DNAH5: variants seen among roughly 807,000 people sequenced by gnomAD.
DNAH5 encodes dynein axonemal heavy chain 5.
In DNAH5, 372 loss-of-function variants were observed where a neutral mutation model predicts 518.2. That is an observed-to-expected ratio of 0.72 (90% CI 0.66 to 0.78). DNAH5 has a LOEUF of 0.78. Ranked by LOEUF, DNAH5 falls within the 30% of genes least tolerant of loss-of-function variation. The probability of loss-of-function intolerance (pLI) is 0.00; values close to 1 mark genes in which losing one functional copy is unlikely to be tolerated. For synonymous variants in DNAH5, 2,039 were observed against 2,025.9 expected (o/e 1.01, Z -0.17); for missense variants, 5,523 against 5,687.0 (o/e 0.97, Z 0.93).
chr5:13,770,549 A>T (rs1446670005), intron 56 of DNAH5, among the ~76,000 whole-genome samples, 200 bp downstream of exon 56: 1 of 152,094 alleles, frequency 6.6e-6, no homozygotes, highest in African/African-American at 2.4e-5. Flanking sequence ...TTTGTTGTGG[A>T]GGAAAAGAAC....
At chr5:13,755,767 A>AG (rs1750913087) in intron 61 of DNAH5, among the ~76,000 whole-genome samples, 1 of 152,112 alleles carries the variant, frequency 6.6e-6, no homozygotes, top group Non-Finnish European at 1.5e-5. Context: ...ATTGTTTATT[A>AG]GAAAAAAAAA....
Position 13,811,693 on chromosome 5 carries a change from A to G in DNAH5, c.7361T>C (p.Val2454Ala), listed in dbSNP as rs1487855713. 9.3e-6 allele frequency: 15 copies of G among 1,614,086 alleles called. No individual in the cohort carries two copies. The highest frequency in any genetic ancestry group is 1.3e-5 in the Non-Finnish European group (15 of 1,180,038). ...AAGCATGTTAATGCTCTGTGTGATGACAAAGGCCTCCAGCACCTCCATCTT... is the reference window on the plus strand; with the variant it reads ...AAGCATGTTAATGCTCTGTGTGATGGCAAAGGCCTCCAGCACCTCCATCTT... ...EYKMEVLEAF[V>A]ITQSINMLQG... The change falls in exon 44 of 79, where the codon GTC (valine) becomes GCC (alanine). Residue 2454 changes from valine to alanine, a missense_variant. Physicochemically the swap from Val to Ala is moderately conservative, Grantham distance 64. Around this residue, in one of 3 missense-constraint regions of DNAH5, gnomAD observed 5,121 missense variants for 5,223.3 expected, o/e 0.98. Transcript: ENST00000265104.
At chr5:13,809,988 T>C (rs759530949) in intron 45 of DNAH5, 71 bp downstream of exon 45, 216 of 1,351,044 alleles carry the variant, frequency 1.6e-4, no homozygotes, top group Middle Eastern at 2.5e-4. Context: ...AAAATATATA[T>C]GGTGTAAATA....
chr5:13,956,733 T>C (rs903423129), intron 1 of DNAH5, among the ~76,000 whole-genome samples: 2 of 152,234 alleles, frequency 1.3e-5, no homozygotes, highest in South Asian at 4.1e-4. Flanking sequence ...TGCCACATTT[T>C]TTCCTGCATA....
In DNAH5 at chr5:13,727,554, G is replaced by A. The variant is rs886059970; in HGVS notation, c.11986C>T (p.Arg3996Cys). 19 of 1,613,714 alleles carry A rather than the reference G, an allele frequency of 1.2e-5. No homozygotes were observed. The highest frequency in any genetic ancestry group is 3.3e-5 in the Admixed American group (2 of 60,000). The change falls in exon 70 of 79, where the codon CGT becomes TGT. Residue 3996 changes from arginine to cysteine, a missense_variant. Physicochemically the swap from Arg to Cys is radical, Grantham distance 180 (BLOSUM62 -3). Around this residue, in one of 3 missense-constraint regions of DNAH5, gnomAD observed 5,121 missense variants for 5,223.3 expected, o/e 0.98. Coordinates refer to ENST00000265104, the MANE Select transcript of DNAH5 (RefSeq NM_001369.3). ...CACCAGGATCTAATAAGGAGAAGACGTCTGAAGCAGTCAAGAGATTTATCA... is the reference window on the plus strand; with the variant it reads ...CACCAGGATCTAATAAGGAGAAGACATCTGAAGCAGTCAAGAGATTTATCA... Reference protein sequence around the residue: ...AYDKSLDCFRRLLLIRSWCPD... With the variant: ...AYDKSLDCFRCLLLIRSWCPD...
chr5:14,008,291 T>TGAGGGAGGGAGGGAAGAAGGAGGGGATG (rs146724289), intron 1 of DNAH5, among the ~76,000 whole-genome samples: 1 of 146,106 alleles, frequency 6.8e-6, no homozygotes, highest in African/African-American at 2.5e-5. Context: ...GAGGAAGAAA[T>TGAGGGAGGGAGGGAAGAAGGAGGGGATG]GAGGGAGAGA....
intron 23 of DNAH5, 51 bp downstream of exon 23, chr5:13,871,513 C>T: frequency 6.8e-7 from 1 of 1,461,310 alleles, no homozygotes; most frequent in Non-Finnish European, 9.6e-7. Context: ...GGTAAAGAGG[C>T]AGAACAATAA....
At chr5:13,955,553 G>T (rs1323609335) in intron 1 of DNAH5, among the ~76,000 whole-genome samples, 2 of 152,160 alleles carry the variant, frequency 1.3e-5, no homozygotes, top group African/African-American at 4.8e-5. Flanking sequence ...ATGTAGAGCA[G>T]TAAGAGAAAA....
chr5:13,946,769 G>A (rs1038757347), upstream of DNAH5, among the ~76,000 whole-genome samples: 1 of 152,200 alleles, frequency 6.6e-6, no homozygotes, highest in Non-Finnish European at 1.5e-5. Context: ...CCTCATGTGG[G>A]CGGAAGGCTT....
At chr5:13,969,281 T>C (rs189127427) in intron 1 of DNAH5, among the ~76,000 whole-genome samples, 2 of 152,300 alleles carry the variant, frequency 1.3e-5, no homozygotes, top group Admixed American at 6.5e-5. Context: ...TTTTGTTTCA[T>C]TTATCTTCTG....
intron 1 of DNAH5, among the ~76,000 whole-genome samples, chr5:13,991,576 AAG>A (rs1267336705): frequency 4.2e-5 from 6 of 141,320 alleles, no homozygotes; most frequent in Non-Finnish European, 6.1e-5. Context: ...GAAGAGGAGA[AAG>A]AGGAGGAGGA....
intron 44 of DNAH5, among the ~76,000 whole-genome samples, chr5:13,810,683 G>A (rs1254457856): frequency 6.6e-6 from 1 of 151,944 alleles, no homozygotes; most frequent in Non-Finnish European, 1.5e-5. Context: ...GAACTTGGGA[G>A]GCGGAGCTTG....
intron 60 of DNAH5, among the ~76,000 whole-genome samples, chr5:13,761,412 T>C (rs2126738878): frequency 6.6e-6 from 1 of 151,984 alleles, no homozygotes; most frequent in East Asian, 1.9e-4. Flanking sequence ...GCTAACATGG[T>C]GAAACCCCAT....
chr5:13,928,262 G>C, intron 2 of DNAH5, 84 bp from the exon 3 acceptor site: 1 of 981,276 alleles, frequency 1.0e-6, no homozygotes, highest in East Asian at 2.5e-5. Context: ...TATAAAAAAG[G>C]AAAATTTACT....
Position 13,865,006 on chromosome 5 carries a change from CTT to C in DNAH5, c.4356-371_4356-370del, listed in dbSNP as rs70964512. Among the ~76,000 whole-genome samples the C allele has an allele frequency of 4.0e-3, 502 of 124,940 alleles. 3 individuals are homozygous for C. Among genetic ancestry groups the C allele is most frequent in the African/African-American group, 0.013 (419 of 32,350 alleles). The allele number at this position is 124,940 out of a possible 152,430, so 82.0% of individuals were successfully genotyped here. A position where few individuals can be genotyped will look rare whatever the true frequency, so the allele number is the denominator to read the frequency against. On this transcript the variant is annotated intron_variant, in intron 27 of 78. Coordinates refer to ENST00000265104, the MANE Select transcript of DNAH5 (RefSeq NM_001369.3). ...GAAGTGAAATATGCAACAAATAGCTCTTTTTTTTTTTTTTTTTTTTTGAGACG... is the reference window on the plus strand; with the variant it reads ...GAAGTGAAATATGCAACAAATAGCTCTTTTTTTTTTTTTTTTTTTGAGACG...
At chr5:13,924,535 C>T (rs771611991) in intron 3 of DNAH5, among the ~76,000 whole-genome samples, 8 of 151,936 alleles carry the variant, frequency 5.3e-5, no homozygotes, top group Non-Finnish European at 1.0e-4. Flanking sequence ...ATTAGCCAGG[C>T]GTGGTGGCAC....
At position 13,839,404 on chromosome 5, in the gene DNAH5, T is replaced by C; in HGVS notation, c.5834A>G (p.Glu1945Gly). The C allele has an allele frequency of 6.2e-7, 1 of 1,614,118 alleles. No individual in the cohort carries two copies. Among genetic ancestry groups the C allele is most frequent in the Non-Finnish European group, 8.5e-7 (1 of 1,179,984 alleles). ...AAGCCTGTCAGTGCAGCCTAAAAAT[T>C]CATTCTGGTATATGAACGCCACATC... ...ITDVAFIYQN[E>G]FLGCTDRLVI... The change falls in exon 35 of 79, where the codon GAA becomes GGA. Residue 1945 changes from glutamate to glycine, a missense_variant. By Grantham distance (98) the Glu-to-Gly change is moderately conservative (BLOSUM62 -2). Around this residue, in one of 3 missense-constraint regions of DNAH5, gnomAD observed 5,121 missense variants for 5,223.3 expected, o/e 0.98. Coordinates refer to ENST00000265104, the MANE Select transcript of DNAH5 (RefSeq NM_001369.3).
chr5:13,835,444 C>A (rs1764246491), intron 35 of DNAH5, among the ~76,000 whole-genome samples: 1 of 152,148 alleles, frequency 6.6e-6, no homozygotes, highest in Non-Finnish European at 1.5e-5. Flanking sequence ...CTTTGATATG[C>A]AAATGCTGGT....
chr5:13,823,422 A>C, intron 39 of DNAH5, 52 bp from the exon 40 acceptor site: 1 of 1,209,618 alleles, frequency 8.3e-7, no homozygotes. Context: ...TAAACATATC[A>C]ATATGCAGAT....
Sources: gnomAD v4.1 joint callset for allele counts (sites outside exome capture counted in the v4.1 genomes callset) on GRCh38, gnomAD v4.1.1 for gene constraint, gnomAD v4.1.1 regional missense constraint, MANE v1.5 for transcripts, NCBI Gene and HGNC (gene_info 2026-07-23, HGNC 2026-07-21) for gene names.